ARHGEF7: variants seen among roughly 807,000 people sequenced by gnomAD.
The protein encoded by ARHGEF7 is PAK-interacting exchange factor beta.
A neutral mutation model predicts 109.8 loss-of-function variants in ARHGEF7; 33 were observed. The observed-to-expected ratio is 0.30, with a 90% CI of 0.23 to 0.40. The LOEUF (loss-of-function observed/expected upper bound fraction) is 0.40, where lower values mean the gene tolerates loss of function less well. Among genes scored for constraint, ARHGEF7 ranks in the 10% least tolerant of loss-of-function variants. ARHGEF7 has a pLI of 1.00. For missense variants in ARHGEF7, 938 were observed against 1,098.5 expected (o/e 0.85, Z 2.07); for synonymous variants, 458 against 424.6 (o/e 1.08, Z -0.97).
chr13:111,297,626 T>C (rs1310668145), intron 19 of ARHGEF7, among the ~76,000 whole-genome samples: 3 of 152,334 alleles, frequency 2.0e-5, no homozygotes, highest in Admixed American at 2.0e-4. Flanking sequence ...AGTCATGAAA[T>C]TGAGACTCAG....
intron 2 of ARHGEF7, among the ~76,000 whole-genome samples, chr13:111,190,782 A>G (rs2079790902): frequency 1.3e-5 from 2 of 152,202 alleles, no homozygotes; most frequent in African/African-American, 4.8e-5. Flanking sequence ...AGGCAGATAT[A>G]GGTCGATGTT....
chr13:111,247,344 C>G (rs1042836182), intron 8 of ARHGEF7, among the ~76,000 whole-genome samples: 17 of 151,950 alleles, frequency 1.1e-4, no homozygotes, highest in Non-Finnish European at 1.9e-4. Context: ...TCTCAGCTCA[C>G]TGCAACCTCT....
intron 17 of ARHGEF7, among the ~76,000 whole-genome samples, chr13:111,287,825 A>C (rs2093087916): frequency 6.6e-6 from 1 of 152,244 alleles, no homozygotes; most frequent in African/African-American, 2.4e-5. Context: ...CCGGTTCCAT[A>C]GACAAGATGA....
At chr13:111,254,617 CGCT>C in intron 8 of ARHGEF7, among the ~76,000 whole-genome samples, 2 of 143,110 alleles carry the variant, frequency 1.4e-5, no homozygotes, top group African/African-American at 5.2e-5. Flanking sequence ...GGCGCTGAGT[CGCT>C]AACGTGAAGG....
At chr13:111,154,046 C>A in intron 2 of ARHGEF7, 55 bp downstream of exon 2, 2 of 1,511,228 alleles carry the variant, frequency 1.3e-6, no homozygotes, top group East Asian at 5.3e-5. Context: ...GGGTTGGGCC[C>A]GGGGTGGGTG....
At chr13:111,301,630 C>T (rs2093570403) in intron 21 of ARHGEF7, 98 bp downstream of exon 21, 4 of 978,330 alleles carry the variant, frequency 4.1e-6, no homozygotes, top group South Asian at 3.0e-5. Context: ...CGGTGGCTCA[C>T]ACCTATAATC....
At chr13:111,168,419 G>A (rs967483670) in intron 2 of ARHGEF7, among the ~76,000 whole-genome samples, 2 of 152,190 alleles carry the variant, frequency 1.3e-5, no homozygotes, top group Non-Finnish European at 2.9e-5. Context: ...GCTTCATGCT[G>A]CCTTGAGGAT....
chr13:111,247,032 A>T (rs1240284934), intron 8 of ARHGEF7, among the ~76,000 whole-genome samples: 1 of 152,208 alleles, frequency 6.6e-6, no homozygotes, highest in Non-Finnish European at 1.5e-5. Context: ...TATTATTTTG[A>T]TCAAGTTTCT....
intron 6 of ARHGEF7, among the ~76,000 whole-genome samples, chr13:111,236,424 G>A (rs556597064): frequency 1.3e-5 from 2 of 152,154 alleles, no homozygotes; most frequent in East Asian, 3.9e-4. Flanking sequence ...TTGAAAACTG[G>A]ATATCTTAGA....
intron 21 of ARHGEF7, among the ~76,000 whole-genome samples, chr13:111,302,230 G>C (rs1176754839): frequency 6.6e-6 from 1 of 152,208 alleles, no homozygotes; most frequent in Non-Finnish European, 1.5e-5. Flanking sequence ...ATGTGAGTAT[G>C]AGCAGCTTTG....
chr13:111,163,152 T>C (rs977685730), intron 2 of ARHGEF7, among the ~76,000 whole-genome samples: 1 of 152,232 alleles, frequency 6.6e-6, no homozygotes, highest in Non-Finnish European at 1.5e-5. Flanking sequence ...TGTAGGACTT[T>C]AGTTAAGGAA....
chr13:111,149,023 C>T (rs1306403354), intron 1 of ARHGEF7, among the ~76,000 whole-genome samples: 2 of 151,938 alleles, frequency 1.3e-5, no homozygotes, highest in Non-Finnish European at 2.9e-5. Flanking sequence ...GGAAAACAAG[C>T]GATGCTGGGC....
At chr13:111,264,662 A>G (rs1043141325) in intron 8 of ARHGEF7, among the ~76,000 whole-genome samples, 2 of 152,202 alleles carry the variant, frequency 1.3e-5, no homozygotes, top group Non-Finnish European at 2.9e-5. Context: ...AAGGAGAGCT[A>G]AGAGAGGGAG....
chr13:111,284,620 G>C (rs1386279622), intron 16 of ARHGEF7, among the ~76,000 whole-genome samples: 2 of 152,218 alleles, frequency 1.3e-5, no homozygotes, highest in Non-Finnish European at 2.9e-5. Context: ...TTGAAGTGAA[G>C]ATAAACAATT....
intron 2 of ARHGEF7, among the ~76,000 whole-genome samples, chr13:111,173,645 T>G (rs1397597710): frequency 1.3e-5 from 2 of 152,230 alleles, no homozygotes; most frequent in African/African-American, 4.8e-5. Context: ...AAGCACATTT[T>G]GGATGTGCTG....
intron 5 of ARHGEF7, among the ~76,000 whole-genome samples, chr13:111,230,549 G>A (rs971623141): frequency 6.6e-6 from 1 of 152,188 alleles, no homozygotes; most frequent in Non-Finnish European, 1.5e-5. Context: ...GACAGTGGTG[G>A]GGCAAGCAAG....
intron 3 of ARHGEF7, among the ~76,000 whole-genome samples, chr13:111,206,908 G>C (rs1374664136): frequency 8.9e-5 from 13 of 145,496 alleles, no homozygotes; most frequent in Non-Finnish European, 1.8e-4. Context: ...CTTGCAGTGA[G>C]CCGAGATCGC....
intron 2 of ARHGEF7, among the ~76,000 whole-genome samples, chr13:111,160,751 G>T (rs1424407342): frequency 6.6e-6 from 1 of 152,180 alleles, no homozygotes; most frequent in Non-Finnish European, 1.5e-5. Flanking sequence ...GATAACGAGG[G>T]AGTTCTCAGG....
At chr13:111,223,944 C>T (rs2084824551) in intron 5 of ARHGEF7, among the ~76,000 whole-genome samples, 1 of 151,738 alleles carries the variant, frequency 6.6e-6, no homozygotes, top group Non-Finnish European at 1.5e-5. Flanking sequence ...GCAACCTCCA[C>T]CTCCTGGGTT....
Sources: allele counts gnomAD v4.1 joint callset (sites outside exome capture counted in the v4.1 genomes callset), GRCh38; gene constraint gnomAD v4.1.1; transcripts MANE v1.5; gene names NCBI Gene and HGNC (gene_info 2026-07-23, HGNC 2026-07-21).